CLYBL: variants seen among roughly 807,000 people sequenced by gnomAD.
CLYBL encodes the protein citramalyl-CoA lyase.
A neutral mutation model predicts 38.9 loss-of-function variants in CLYBL; 31 were observed. The observed-to-expected ratio is 0.80, with a 90% confidence interval of 0.60 to 1.08. The LOEUF is 1.08. Among genes scored for constraint, CLYBL ranks in the 50% least tolerant of loss-of-function variants. The pLI is 0.00. For synonymous variants in CLYBL, 171 were observed against 158.6 expected, an observed-to-expected ratio of 1.08 and a Z score of -0.59; for missense variants, 434 against 411.6, an observed-to-expected ratio of 1.05 and a Z score of -0.47.
chr13:99,829,647 A>G (rs1378557030), intron 2 of CLYBL, among the ~76,000 whole-genome samples: 1 of 152,192 alleles, frequency 6.6e-6, no homozygotes, highest in Non-Finnish European at 1.5e-5. Context: ...TTTGACTCAA[A>G]TGATGACATT....
At chr13:99,717,385 C>T (rs1403682554) in intron 1 of CLYBL, among the ~76,000 whole-genome samples, 7 of 144,948 alleles carry the variant, frequency 4.8e-5, no homozygotes, top group African/African-American at 1.3e-4. Context: ...GAGATCATGC[C>T]GTTGCACTCC....
intron 1 of CLYBL, among the ~76,000 whole-genome samples, chr13:99,749,179 C>CAA (rs986504755): frequency 1.7e-5 from 2 of 116,482 alleles, no homozygotes; most frequent in Non-Finnish European, 3.6e-5. Context: ...GACTCTGTCT[C>CAA]AAAAAAAAAA....
intron 1 of CLYBL, among the ~76,000 whole-genome samples, chr13:99,763,641 G>A (rs1046369624): frequency 2.8e-5 from 4 of 142,660 alleles, no homozygotes; most frequent in South Asian, 2.3e-4. Context: ...TGCAACCTCC[G>A]CCTCCCGAGT....
chr13:99,675,449 A>T (rs561936519), intron 1 of CLYBL, among the ~76,000 whole-genome samples: 1 of 152,286 alleles, frequency 6.6e-6, no homozygotes, highest in South Asian at 2.1e-4. Flanking sequence ...TGCAACCATC[A>T]CCATGATTAA....
chr13:99,685,028 C>T (rs2047797171), intron 1 of CLYBL, among the ~76,000 whole-genome samples: 1 of 152,190 alleles, frequency 6.6e-6, no homozygotes, highest in African/African-American at 2.4e-5. Context: ...CTATGACCCT[C>T]TAAGGGGGAC....
intron 1 of CLYBL, among the ~76,000 whole-genome samples, chr13:99,611,118 C>G (rs945703839): frequency 6.6e-6 from 1 of 152,170 alleles, no homozygotes; most frequent in Admixed American, 6.5e-5. Flanking sequence ...TACCACAGAG[C>G]TGGGGAAGAG....
At chr13:99,645,342 C>T (rs922750053) in intron 1 of CLYBL, among the ~76,000 whole-genome samples, 5 of 151,938 alleles carry the variant, frequency 3.3e-5, no homozygotes, top group African/African-American at 4.8e-5. Context: ...TAAAAAAATA[C>T]AAAAACTTAG....
intron 1 of CLYBL, among the ~76,000 whole-genome samples, chr13:99,697,727 A>ACCTCCG (rs1244038133): frequency 7.1e-6 from 1 of 141,534 alleles, no homozygotes; most frequent in Non-Finnish European, 1.5e-5. Flanking sequence ...GCTCACTGCA[A>ACCTCCG]CCTCCGCCTC....
At chr13:99,871,855 A>G (rs1002063356) in intron 7 of CLYBL, among the ~76,000 whole-genome samples, 6 of 152,160 alleles carry the variant, frequency 3.9e-5, no homozygotes, top group Non-Finnish European at 7.4e-5. Flanking sequence ...TTATAAATCT[A>G]TCCTAGAGGT....
downstream of CLYBL, chr13:99,892,708 T>A (rs2052516891): frequency 6.6e-6 from 1 of 152,514 alleles, no homozygotes; most frequent in Non-Finnish European, 1.5e-5. Context: ...TTTATTTAAA[T>A]TTGTAAATAG....
chr13:99,770,655 C>A (rs1050515766), intron 1 of CLYBL, among the ~76,000 whole-genome samples: 1 of 151,850 alleles, frequency 6.6e-6, no homozygotes, highest in Non-Finnish European at 1.5e-5. Context: ...CCACCCTCCT[C>A]GGCCTCCCAA....
intron 2 of CLYBL, among the ~76,000 whole-genome samples, chr13:99,773,706 T>C (rs534408439): frequency 1.3e-5 from 2 of 152,302 alleles, no homozygotes; most frequent in South Asian, 4.1e-4. Flanking sequence ...ATTTTCAGAC[T>C]GATAAAATGC....
At chr13:99,766,205 T>A (rs1018975297) in intron 1 of CLYBL, among the ~76,000 whole-genome samples, 2 of 143,990 alleles carry the variant, frequency 1.4e-5, no homozygotes, top group East Asian at 4.2e-4. Context: ...CTTTGTTGAT[T>A]CTCATTTTTT....
intron 2 of CLYBL, among the ~76,000 whole-genome samples, chr13:99,793,974 G>A (rs1318806483): frequency 6.6e-6 from 1 of 151,702 alleles, no homozygotes; most frequent in African/African-American, 2.4e-5. Context: ...CTAATATGAA[G>A]TAAGAAATAG....
chr13:99,884,152 A>G (rs1236138266), intron 7 of CLYBL, among the ~76,000 whole-genome samples: 2 of 152,174 alleles, frequency 1.3e-5, no homozygotes, highest in African/African-American at 2.4e-5. Context: ...TGGCCCCGAC[A>G]TTACCAGTTT....
rs59274056 is a variant in CLYBL at position 99,840,750 on chromosome 13, C to CAAAAAAAA, written c.250-18088_250-18081dup. ...GGGTGACAGAGTGAGACCCTTGTCTCAAAAAAAAAAAAAAAAAAAAAAAAA... is the reference window on the plus strand; with the variant it reads ...GGGTGACAGAGTGAGACCCTTGTCTCAAAAAAAAAAAAAAAAAAAAAAAAAAAAAAAAA... On this transcript the variant is annotated intron_variant, in intron 2 of 8. Coordinates refer to ENST00000339105, the MANE Select transcript of CLYBL (RefSeq NM_206808.5). 1.8e-3 allele frequency among the ~76,000 whole-genome samples: 30 copies of CAAAAAAAA among 16,816 alleles called. 4 individuals carry two copies. Among genetic ancestry groups the CAAAAAAAA allele is most frequent in the African/African-American group, 6.5e-3 (28 of 4,280 alleles). The allele number at this position is 16,816 out of a possible 152,430, so 11.0% of individuals were successfully genotyped here.
intron 1 of CLYBL, among the ~76,000 whole-genome samples, chr13:99,650,293 A>G (rs1186523594): frequency 2.6e-5 from 4 of 151,652 alleles, no homozygotes; most frequent in African/African-American, 9.7e-5. Flanking sequence ...ATGGTGGCGC[A>G]CACCTGTAGT....
intron 1 of CLYBL, among the ~76,000 whole-genome samples, chr13:99,666,321 A>G (rs952587750): frequency 7.2e-5 from 11 of 152,028 alleles, no homozygotes; most frequent in Non-Finnish European, 1.2e-4. Context: ...CCAAGTGCTG[A>G]CTGTGACCAC....
Position 99,891,382 on chromosome 13 carries a change from T to A in CLYBL, c.992T>A (p.Val331Asp). ...TTACTGAAGCAGGCCCAGAACACTG[T>A]TACGCTTGCCACCTCCATCAAGGAA... is the stretch of plus-strand genomic sequence containing the variant. ...MPLLKQAQNTVTLATSIKEK is the reference protein window; with the variant it reads ...MPLLKQAQNTDTLATSIKEK Residue 331 changes from valine to aspartate, a missense_variant, in exon 8 of 9, where the codon GTT (valine) becomes GAT (aspartate). By Grantham distance (152) the Val-to-Asp change is radical. Coordinates refer to ENST00000339105, the MANE Select transcript of CLYBL (RefSeq NM_206808.5). 1 of 1,613,916 alleles carries A rather than the reference T, an allele frequency of 6.2e-7. No homozygotes were observed. Among genetic ancestry groups the A allele is most frequent in the East Asian group, 2.2e-5 (1 of 44,880 alleles).
Sources: allele counts gnomAD v4.1 joint callset (sites outside exome capture counted in the v4.1 genomes callset), GRCh38; gene constraint gnomAD v4.1.1; transcripts MANE v1.5; gene names NCBI Gene and HGNC (gene_info 2026-07-23, HGNC 2026-07-21).